ORC5: variants seen among roughly 807,000 people sequenced by gnomAD.
ORC5 encodes origin recognition complex subunit 5, also known as protein phosphatase 1, regulatory subunit 117.
Under a neutral mutation model 58.8 loss-of-function variants are expected in ORC5, and 39 were observed. The observed-to-expected ratio is 0.66, with a 90% CI of 0.51 to 0.87. ORC5 has a LOEUF of 0.87. Among genes scored for constraint, ORC5 ranks in the 40% least tolerant of loss-of-function variants. The pLI, the probability that ORC5 is intolerant of heterozygous loss-of-function variation, is 0.00. For missense variants in ORC5, 493 were observed against 506.3 expected, an observed-to-expected ratio of 0.97 and a Z score of 0.25; for synonymous variants, 218 against 177.6, an observed-to-expected ratio of 1.23 and a Z score of -1.81.
intron 8 of ORC5, among the ~76,000 whole-genome samples, chr7:104,181,236 A>G (rs1009704703): frequency 7.9e-5 from 12 of 152,208 alleles, no homozygotes; most frequent in African/African-American, 2.9e-4. Context: ...CTCTTAATCT[A>G]CCTATAGTTT....
intron 11 of ORC5, among the ~76,000 whole-genome samples, chr7:104,161,652 G>GCATGAACCACCATACCCAGC (rs1799025795): frequency 6.6e-6 from 1 of 152,036 alleles, no homozygotes; most frequent in South Asian, 2.1e-4. Context: ...AGAATTACAG[G>GCATGAACCACCATACCCAGC]CATGAGCCAC....
intron 12 of ORC5, among the ~76,000 whole-genome samples, chr7:104,157,130 G>A (rs566258057): frequency 2.0e-5 from 3 of 151,928 alleles, no homozygotes; most frequent in Non-Finnish European, 4.4e-5. Flanking sequence ...AACTAGAAAA[G>A]GTCACTGGGA....
At chr7:104,183,824 C>G (rs1022216614) in intron 8 of ORC5, 119 bp downstream of exon 8, 23 of 674,346 alleles carry the variant, frequency 3.4e-5, no homozygotes, top group Non-Finnish European at 5.5e-5. Context: ...CATTGCAATG[C>G]CAATCCTCAA....
intron 11 of ORC5, among the ~76,000 whole-genome samples, chr7:104,164,197 A>G (rs1187313446): frequency 6.6e-6 from 1 of 152,142 alleles, no homozygotes; most frequent in Non-Finnish European, 1.5e-5. Context: ...AGAGGAGTGG[A>G]TCATTTGAGA....
At chr7:104,188,687 T>C (rs1355206155) in intron 5 of ORC5, among the ~76,000 whole-genome samples, 2 of 152,140 alleles carry the variant, frequency 1.3e-5, no homozygotes, top group African/African-American at 2.4e-5. Flanking sequence ...TACCTCAATT[T>C]ATACTAATGA....
chr7:104,205,705 A>G (rs574721678), intron 1 of ORC5, among the ~76,000 whole-genome samples: 2 of 152,348 alleles, frequency 1.3e-5, no homozygotes, highest in East Asian at 1.9e-4. Context: ...TGTAACAATC[A>G]TAAATTAACT....
intron 4 of ORC5, among the ~76,000 whole-genome samples, chr7:104,197,070 T>A (rs551715419): frequency 6.6e-6 from 1 of 152,332 alleles, no homozygotes; most frequent in East Asian, 1.9e-4. Flanking sequence ...ACAGTAGAAT[T>A]AATTAGTAAC....
intron 12 of ORC5, among the ~76,000 whole-genome samples, chr7:104,142,323 A>G (rs1470800062): frequency 6.6e-6 from 1 of 152,190 alleles, no homozygotes; most frequent in Non-Finnish European, 1.5e-5. Flanking sequence ...CCCTGATATT[A>G]GTTTTGGCAA....
intron 12 of ORC5, among the ~76,000 whole-genome samples, chr7:104,151,496 TA>T (rs150592753): frequency 6.6e-6 from 1 of 152,144 alleles, no homozygotes; most frequent in East Asian, 1.9e-4. Flanking sequence ...TTAGCTAAAC[TA>T]AAAACTAGAA....
chr7:104,203,751 T>C (rs1297858702), intron 2 of ORC5, among the ~76,000 whole-genome samples: 4 of 152,088 alleles, frequency 2.6e-5, no homozygotes, highest in Non-Finnish European at 4.4e-5. Flanking sequence ...GTCCTGAAAA[T>C]ATTAAGATTT....
At chr7:104,166,970 T>C (rs533302778) in intron 9 of ORC5, 86 bp from the exon 10 acceptor site, 1 of 738,082 alleles carries the variant, frequency 1.4e-6, no homozygotes, top group Non-Finnish European at 2.4e-6. Flanking sequence ...TTCATTTCCA[T>C]ATGGTATTCT....
chr7:104,200,309 T>C lies in ORC5; in HGVS notation c.366+449A>G, dbSNP rs564967041. On this transcript the variant is annotated intron_variant, in intron 3 of 13. Transcript: ENST00000297431. ...ACAATCTGCCCAACCTATCTTCCAG[T>C]CTTCTTTTTCTCCCGTCATACTTTA... Among the ~76,000 whole-genome samples, 17 of 152,310 alleles carry C rather than the reference T, an allele frequency of 1.1e-4. No homozygotes were observed. The South Asian group carries it at 3.3e-3, about 30-fold the overall frequency.
chr7:104,140,709 A>G (rs189487739), intron 12 of ORC5, among the ~76,000 whole-genome samples: 1 of 152,290 alleles, frequency 6.6e-6, no homozygotes, highest in Non-Finnish European at 1.5e-5. Flanking sequence ...CTTTATTCCA[A>G]GAATGTCTCC....
At chr7:104,166,302 T>C (rs1377431605) in intron 10 of ORC5, among the ~76,000 whole-genome samples, 1 of 152,014 alleles carries the variant, frequency 6.6e-6, no homozygotes, top group Admixed American at 6.6e-5. Flanking sequence ...GAGATCAGAA[T>C]GTTTTGAGGA....
chr7:104,173,856 T>C (rs1213210139), intron 8 of ORC5, among the ~76,000 whole-genome samples: 3 of 144,464 alleles, frequency 2.1e-5, no homozygotes, highest in African/African-American at 7.7e-5. Context: ...TTTTTTTTTT[T>C]TTTTTTGAGA....
At chr7:104,140,024 C>G (rs1418841766) in intron 12 of ORC5, among the ~76,000 whole-genome samples, 1 of 151,806 alleles carries the variant, frequency 6.6e-6, no homozygotes, top group Non-Finnish European at 1.5e-5. Context: ...TTATAATAAC[C>G]CTTTTATTCT....
At chr7:104,161,735 G>A (rs1206312108) in intron 11 of ORC5, among the ~76,000 whole-genome samples, 1 of 152,084 alleles carries the variant, frequency 6.6e-6, no homozygotes, top group Admixed American at 6.6e-5. Flanking sequence ...TTCTGACTTA[G>A]TATCAACAAA....
chr7:104,198,296 C>T (rs1433748097), intron 3 of ORC5, among the ~76,000 whole-genome samples: 1 of 152,236 alleles, frequency 6.6e-6, no homozygotes, highest in Non-Finnish European at 1.5e-5. Flanking sequence ...AAGTTTGCAA[C>T]TTCCTAGAGA....
intron 6 of ORC5, chr7:104,187,865 A>C: frequency 1.1e-5 from 11 of 989,494 alleles, no homozygotes; most frequent in Non-Finnish European, 1.3e-5. Flanking sequence ...TAAAACTTGA[A>C]CAAAATCTGT....
Sources: allele counts gnomAD v4.1 joint callset (sites outside exome capture counted in the v4.1 genomes callset), GRCh38; gene constraint gnomAD v4.1.1; transcripts MANE v1.5; gene names NCBI Gene and HGNC (gene_info 2026-07-23, HGNC 2026-07-21).